The following MYCBP2 variants were observed in gnomAD, a reference collection of about 807,000 sequenced individuals.
MYCBP2 encodes E3 ubiquitin-protein ligase MYCBP2.
A neutral mutation model predicts 525.3 loss-of-function variants in MYCBP2; 120 were observed. That is an observed-to-expected ratio of 0.23 (90% CI 0.20 to 0.27). MYCBP2 has a LOEUF of 0.27. Among genes scored for constraint, MYCBP2 ranks in the 10% least tolerant of loss-of-function variants. The probability of loss-of-function intolerance (pLI) is 1.00; values close to 1 mark genes in which losing one functional copy is unlikely to be tolerated. For missense variants in MYCBP2, 4,149 were observed against 5,657.1 expected (o/e 0.73, Z 8.55); for synonymous variants, 1,894 against 1,955.8 (o/e 0.97, Z 0.83).
chr13:77,280,328 C>G (rs902423358), intron 3 of MYCBP2, among the ~76,000 whole-genome samples: 4 of 152,166 alleles, frequency 2.6e-5, no homozygotes, highest in African/African-American at 9.7e-5. Context: ...AGTGATTAAA[C>G]TTTCACATTT....
intron 4 of MYCBP2, among the ~76,000 whole-genome samples, chr13:77,275,225 A>C (rs1475530348): frequency 1.3e-5 from 2 of 152,248 alleles, no homozygotes; most frequent in African/African-American, 4.8e-5. Context: ...GGCTATTTAA[A>C]AAACAATATT....
chr13:77,311,420 T>C (rs900591092), intron 1 of MYCBP2, among the ~76,000 whole-genome samples: 1 of 152,084 alleles, frequency 6.6e-6, no homozygotes, highest in Non-Finnish European at 1.5e-5. Context: ...AATCAAAAGA[T>C]GCCAACCCTA....
At chr13:77,156,017 C>T in intron 46 of MYCBP2, 41 bp downstream of exon 46, 1 of 1,559,986 alleles carries the variant, frequency 6.4e-7, no homozygotes, top group Admixed American at 1.8e-5. Context: ...TCATTGCAGC[C>T]AGTATATAGA....
chr13:77,222,693 A>G (rs2065763245), intron 20 of MYCBP2, among the ~76,000 whole-genome samples: 1 of 152,092 alleles, frequency 6.6e-6, no homozygotes. Context: ...TGCTGGATGT[A>G]GAATCCACAT....
chr13:77,310,575 A>T (rs1294002275), intron 1 of MYCBP2, among the ~76,000 whole-genome samples: 2 of 152,202 alleles, frequency 1.3e-5, no homozygotes, highest in Admixed American at 1.3e-4. Context: ...CATATATATG[A>T]TTATAGACAC....
chr13:77,300,328 T>G (rs2078642901), intron 1 of MYCBP2, among the ~76,000 whole-genome samples: 1 of 152,210 alleles, frequency 6.6e-6, no homozygotes, highest in African/African-American at 2.4e-5. Context: ...AGTCACAAGA[T>G]CTCTGTTGCA....
intron 49 of MYCBP2, among the ~76,000 whole-genome samples, chr13:77,141,247 AATCTT>A (rs1310526802): frequency 1.3e-5 from 2 of 152,156 alleles, no homozygotes; most frequent in Non-Finnish European, 2.9e-5. Context: ...TTGAGAATTA[AATCTT>A]ATCTGACAAT....
intron 62 of MYCBP2, among the ~76,000 whole-genome samples, chr13:77,084,185 G>C (rs1594366262): frequency 1.3e-5 from 2 of 152,226 alleles, no homozygotes; most frequent in East Asian, 3.9e-4. Context: ...ATGATAAGGA[G>C]AACTTCATAA....
rs71203042 is a variant in MYCBP2 at position 77,264,597 on chromosome 13, CTTTTAT to C, written c.1358-601_1358-596del. Among the ~76,000 whole-genome samples, 751 of 152,206 alleles carry C rather than the reference CTTTTAT, an allele frequency of 4.9e-3. 1 individual carries two copies. Among genetic ancestry groups the C allele is most frequent in the Non-Finnish European group, 8.0e-3 (547 of 67,968 alleles). ...AAGAGCAGACAAATATATGCTTATG[CTTTTAT>C]TTTTATCTCAAAGCAGTCATGTATC... On this transcript the variant is annotated intron_variant, in intron 8 of 82. Coordinates refer to ENST00000544440, the MANE Select transcript of MYCBP2 (RefSeq NM_015057.5).
intron 1 of MYCBP2, among the ~76,000 whole-genome samples, chr13:77,303,763 C>A (rs1282499213): frequency 1.7e-4 from 19 of 112,740 alleles, no homozygotes; most frequent in African/African-American, 5.2e-4. Context: ...CACATAAATG[C>A]ATATACTGAA....
At chr13:77,316,952 GT>G (rs35370785) in intron 1 of MYCBP2, among the ~76,000 whole-genome samples, 5 of 148,652 alleles carry the variant, frequency 3.4e-5, no homozygotes, top group African/African-American at 1.2e-4. Context: ...TTTTTTTGTT[GT>G]TTTTTTTTTG....
chr13:77,093,769 G>A (rs191328004), intron 58 of MYCBP2, among the ~76,000 whole-genome samples: 6 of 151,998 alleles, frequency 3.9e-5, no homozygotes, highest in African/African-American at 1.4e-4. Flanking sequence ...ATTATTTCTT[G>A]CACAGACCAC....
At chr13:77,095,978 C>T (rs777905720) in intron 57 of MYCBP2, among the ~76,000 whole-genome samples, 1 of 150,820 alleles carries the variant, frequency 6.6e-6, no homozygotes, top group Admixed American at 6.6e-5. Flanking sequence ...AACAAAGGAG[C>T]CAAAAAAAGA....
Position 77,204,214 on chromosome 13 carries a change from A to G in MYCBP2, c.3843+1042T>C, listed in dbSNP as rs930915276. On this transcript the variant is annotated intron_variant, in intron 26 of 82. Coordinates refer to ENST00000544440, the MANE Select transcript of MYCBP2 (RefSeq NM_015057.5). ...CCAATTTACAAGAAAAAAAACAAACAACCCCATCAAAAAGTGGGTGAAGGA... is the reference window on the plus strand; with the variant it reads ...CCAATTTACAAGAAAAAAAACAAACGACCCCATCAAAAAGTGGGTGAAGGA... Among the ~76,000 whole-genome samples the G allele has an allele frequency of 2.0e-5, 3 of 152,224 alleles. No homozygotes were observed. In the East Asian group the frequency reaches 5.8e-4, roughly 29 times the overall value.
At chr13:77,289,289 T>G (rs2077220748) in intron 2 of MYCBP2, among the ~76,000 whole-genome samples, 1 of 152,082 alleles carries the variant, frequency 6.6e-6, no homozygotes, top group Non-Finnish European at 1.5e-5. Flanking sequence ...TAAGAGATAT[T>G]ACAAATATCT....
At chr13:77,301,437 A>C (rs1384949549) in intron 1 of MYCBP2, among the ~76,000 whole-genome samples, 3 of 141,688 alleles carry the variant, frequency 2.1e-5, no homozygotes, top group Non-Finnish European at 4.8e-5. Flanking sequence ...AAAAAAAAAA[A>C]AAAAAAAAAA....
intron 47 of MYCBP2, among the ~76,000 whole-genome samples, chr13:77,149,958 C>T (rs9565321): frequency 0.032 from 4,891 of 152,190 alleles, 214 homozygotes; most frequent in East Asian, 0.17. Flanking sequence ...CCACCACAAT[C>T]GTTACAAAAC....
intron 62 of MYCBP2, 97 bp from the exon 63 acceptor site, chr13:77,083,289 C>A: frequency 8.7e-7 from 1 of 1,143,414 alleles, no homozygotes; most frequent in Non-Finnish European, 1.2e-6. Context: ...GGTCATGTAA[C>A]AGAAATACAA....
At chr13:77,166,608 A>C in intron 40 of MYCBP2, 54 bp from the exon 41 acceptor site, 1 of 1,217,954 alleles carries the variant, frequency 8.2e-7, no homozygotes, top group Non-Finnish European at 1.2e-6. Flanking sequence ...ACACAAACAT[A>C]CACATCTGCA....
Sources: allele counts gnomAD v4.1 joint callset (sites outside exome capture counted in the v4.1 genomes callset), GRCh38; gene constraint gnomAD v4.1.1; transcripts MANE v1.5; gene names NCBI Gene and HGNC (gene_info 2026-07-23, HGNC 2026-07-21).